Variants in GPHN observed in about 807,000 individuals in gnomAD.
GPHN encodes gephyrin.
In GPHN, 17 loss-of-function variants were observed where a neutral mutation model predicts 95.5. The ratio of observed to expected loss-of-function variants is 0.18; its 90% CI spans 0.12 to 0.27. The LOEUF is 0.27. Among genes scored for constraint, GPHN ranks in the 10% least tolerant of loss-of-function variants. GPHN has a pLI of 1.00. For missense variants in GPHN, 660 were observed against 978.1 expected, an observed-to-expected ratio of 0.67 and a Z score of 4.34; for synonymous variants, 320 against 322.5, an observed-to-expected ratio of 0.99 and a Z score of 0.08.
At chr14:67,469,440 C>CTTTT in the GPHN span, among the ~76,000 whole-genome samples, 1,193 of 81,014 alleles carry the variant, frequency 0.015, 12 homozygotes, top group Non-Finnish European at 0.017. Flanking sequence ...CCATGCCTGG[C>CTTTT]TTTTTTTTTT....
chr14:66,971,316 G>A (rs527857458), intron 9 of GPHN, among the ~76,000 whole-genome samples: 34 of 152,184 alleles, frequency 2.2e-4, no homozygotes, highest in African/African-American at 7.0e-4. Context: ...CAACGAGAAC[G>A]AAACTCCATC....
At chr14:66,843,961 C>A (rs1395321093) in intron 4 of GPHN, among the ~76,000 whole-genome samples, 1 of 151,480 alleles carries the variant, frequency 6.6e-6, no homozygotes, top group African/African-American at 2.4e-5. Flanking sequence ...TTTATTATTC[C>A]TAAATTTTCC....
chr14:67,575,699 C>T, the GPHN span: 1 of 781,574 alleles, frequency 1.3e-6, no homozygotes, highest in Non-Finnish European at 2.1e-6. Context: ...ATAGTCTCCA[C>T]CTCCCCATCC....
intron 12 of GPHN, among the ~76,000 whole-genome samples, chr14:67,098,897 A>AT (rs1435462511): frequency 1.3e-5 from 2 of 152,188 alleles, no homozygotes; most frequent in East Asian, 3.9e-4. Context: ...ATAATTATTT[A>AT]TCTAGTAGAG....
At chr14:67,619,783 C>A in the GPHN span, 4 of 543,582 alleles carry the variant, frequency 7.4e-6, no homozygotes, top group South Asian at 2.2e-5. Flanking sequence ...CCTTGCAGAG[C>A]GGTGGGCGGG....
chr14:66,603,532 G>T (rs936713797), intron 1 of GPHN, among the ~76,000 whole-genome samples: 8 of 151,760 alleles, frequency 5.3e-5, no homozygotes, highest in Non-Finnish European at 1.2e-4. Context: ...TAGATATATA[G>T]ATATATCCAG....
At chr14:66,690,812 G>A (rs941090365) in intron 2 of GPHN, among the ~76,000 whole-genome samples, 4 of 152,076 alleles carry the variant, frequency 2.6e-5, no homozygotes, top group South Asian at 2.1e-4. Flanking sequence ...TTGAGACACA[G>A]CCTCACTCCC....
At position 66,741,227 on chromosome 14, in the gene GPHN, G is replaced by T. The variant is rs945634645; in HGVS notation, c.144-35237G>T. ...GCAACTTTGAAGACGTTCTTGATTT[G>T]CTTATTCAATATGTGTAAGATCTAG... On this transcript the variant is annotated intron_variant, in intron 2 of 22. Transcript: ENST00000478722. Among the ~76,000 whole-genome samples, 53 of 152,138 alleles carry T rather than the reference G, an allele frequency of 3.5e-4. No individual in the cohort carries two copies. The Middle Eastern group carries it at 0.01, about 29-fold the overall frequency.
the GPHN span, among the ~76,000 whole-genome samples, chr14:67,372,068 C>T: frequency 0.064 from 9,735 of 151,886 alleles, 591 homozygotes; most frequent in African/African-American, 0.16. Flanking sequence ...AGTTCGAGAC[C>T]AGCCTGGGCA....
intron 9 of GPHN, among the ~76,000 whole-genome samples, chr14:67,014,872 A>G (rs1430887297): frequency 6.6e-6 from 1 of 152,184 alleles, no homozygotes; most frequent in Non-Finnish European, 1.5e-5. Context: ...CAAGCACCAA[A>G]CCAAAACGAT....
intron 1 of GPHN, among the ~76,000 whole-genome samples, chr14:66,528,050 A>G (rs1470215540): frequency 6.6e-6 from 1 of 152,114 alleles, no homozygotes; most frequent in Non-Finnish European, 1.5e-5. Context: ...TGATCTGTCT[A>G]ATATTGACAG....
At chr14:66,934,179 A>G (rs1383013494) in intron 8 of GPHN, among the ~76,000 whole-genome samples, 1 of 151,060 alleles carries the variant, frequency 6.6e-6, no homozygotes, top group Non-Finnish European at 1.5e-5. Context: ...CTAGCTGAAG[A>G]GTTGCTTTTT....
intron 1 of GPHN, among the ~76,000 whole-genome samples, chr14:66,590,629 C>A (rs965885907): frequency 1.3e-5 from 2 of 152,072 alleles, no homozygotes; most frequent in African/African-American, 4.8e-5. Context: ...CTGAATAGAC[C>A]AATAACAAGT....
chr14:66,589,286 A>G (rs2061544614), intron 1 of GPHN, among the ~76,000 whole-genome samples: 2 of 152,174 alleles, frequency 1.3e-5, no homozygotes, highest in South Asian at 4.1e-4. Context: ...AACATACCAA[A>G]TTGTAAAGTC....
chr14:66,795,727 ATATT>A (rs1388711721), intron 3 of GPHN, among the ~76,000 whole-genome samples: 3 of 152,172 alleles, frequency 2.0e-5, no homozygotes, highest in Admixed American at 6.6e-5. Flanking sequence ...ATAAATGTAT[ATATT>A]TATAGGGCAC....
intron 17 of GPHN, among the ~76,000 whole-genome samples, chr14:67,132,516 A>T (rs1422108769): frequency 6.6e-6 from 1 of 151,688 alleles, no homozygotes; most frequent in African/African-American, 2.4e-5. Context: ...TTATTTTCTG[A>T]TCATTTTTCA....
chr14:67,528,242 GCTGGAATTTGAACT>G, the GPHN span, among the ~76,000 whole-genome samples: 2 of 152,176 alleles, frequency 1.3e-5, no homozygotes, highest in Admixed American at 6.5e-5. Context: ...AGGTGCCAAA[GCTGGAATTTGAACT>G]CTGGAAGTTG....
intron 12 of GPHN, 41 bp downstream of exon 12, chr14:67,089,116 T>C (rs995407833): frequency 7.1e-6 from 5 of 701,118 alleles, no homozygotes; most frequent in Non-Finnish European, 1.2e-5. Flanking sequence ...AGGCACTGTA[T>C]TTTTTTTTCT....
At chr14:66,829,826 A>G (rs921156834) in intron 4 of GPHN, among the ~76,000 whole-genome samples, 2 of 152,168 alleles carry the variant, frequency 1.3e-5, no homozygotes, top group Admixed American at 6.6e-5. Context: ...GAAGTTAAAA[A>G]ATGAGTGAGA....
Sources: allele counts gnomAD v4.1 joint callset (sites outside exome capture counted in the v4.1 genomes callset), GRCh38; gene constraint gnomAD v4.1.1; transcripts MANE v1.5; gene names NCBI Gene and HGNC (gene_info 2026-07-23, HGNC 2026-07-21).